KCNJ15: variants seen among roughly 807,000 people sequenced by gnomAD.
The protein encoded by KCNJ15 is ATP-sensitive inward rectifier potassium channel 15.
KCNJ15 carries 14 observed loss-of-function variants against 23.0 expected under a neutral mutation model. That is an observed-to-expected ratio of 0.61 (90% CI 0.40 to 0.95). KCNJ15 has a LOEUF of 0.95. KCNJ15 is among the 40% of genes least tolerant of loss of function. The probability of loss-of-function intolerance (pLI) is 0.00; values close to 1 mark genes in which losing one functional copy is unlikely to be tolerated. For missense variants in KCNJ15, 388 were observed against 461.8 expected (o/e 0.84, Z 1.46); for synonymous variants, 185 against 183.2 (o/e 1.01, Z -0.08).
At chr21:38,238,277 A>G (rs1978754569) in intron 1 of KCNJ15, 7 of 696,124 alleles carry the variant, frequency 1.0e-5, no homozygotes, top group African/African-American at 1.8e-5. Flanking sequence ...ATGAGCATTG[A>G]GCAGGCTTGA....
Position 38,307,074 on chromosome 21 carries a change from T to TC in KCNJ15, c.*6687dup, listed in dbSNP as rs906576765. On this transcript the variant is annotated 3_prime_UTR_variant, in exon 3 of 3. Transcript: ENST00000398938. ...AAGTGAGTCTTAAGCTTGGATTTGCTCCAGCAGAATGGTGGTTTGTGTTTC... is the reference window on the plus strand; with the variant it reads ...AAGTGAGTCTTAAGCTTGGATTTGCTCCCAGCAGAATGGTGGTTTGTGTTTC... The TC allele has an allele frequency of 6.6e-6, 1 of 152,198 alleles. No homozygotes were observed. The highest frequency in any genetic ancestry group is 2.4e-5 in the African/African-American group (1 of 41,450). 9.4% of individuals were successfully genotyped at this position (152,198 alleles called of 1,614,324 possible).
At chr21:38,294,940 G>A (rs1213256323) in intron 1 of KCNJ15, among the ~76,000 whole-genome samples, 2 of 152,120 alleles carry the variant, frequency 1.3e-5, no homozygotes, top group Non-Finnish European at 1.5e-5. Context: ...TCTAAAAATT[G>A]CAACCCCAAC....
chr21:38,245,953 T>A (rs927224179), intron 1 of KCNJ15, among the ~76,000 whole-genome samples: 1 of 152,186 alleles, frequency 6.6e-6, no homozygotes, highest in Non-Finnish European at 1.5e-5. Context: ...AGATTTGAAT[T>A]TCTGCTTCTC....
Position 38,304,474 on chromosome 21 carries a change from C to A in KCNJ15, c.*4085C>A, listed in dbSNP as rs1375811604. ...AGCGAAAGGTACTAACATTTCCAGT[C>A]TTGATTTCCAAGTTTTGTGGTGTGC... On this transcript the variant is annotated 3_prime_UTR_variant, in exon 3 of 3. Coordinates refer to ENST00000398938, the MANE Select transcript of KCNJ15 (RefSeq NM_170736.3). 6.6e-6 allele frequency: 1 copy of A among 151,630 alleles called. No homozygotes were observed. Among genetic ancestry groups the A allele is most frequent in the Non-Finnish European group, 1.5e-5 (1 of 67,944 alleles). The allele number at this position is 151,630 out of a possible 1,614,324, so 9.4% of individuals were successfully genotyped here. A position where few individuals can be genotyped will look rare whatever the true frequency, so the allele number is the denominator to read the frequency against.
chr21:38,279,959 G>T (rs1409774587), intron 1 of KCNJ15, among the ~76,000 whole-genome samples: 1 of 152,156 alleles, frequency 6.6e-6, no homozygotes, highest in Non-Finnish European at 1.5e-5. Context: ...TGAAAACAGG[G>T]CTGAAGATAG....
intron 1 of KCNJ15, among the ~76,000 whole-genome samples, chr21:38,291,211 A>G (rs1053489055): frequency 6.6e-6 from 1 of 152,124 alleles, no homozygotes; most frequent in Non-Finnish European, 1.5e-5. Context: ...TGTATGGAAC[A>G]CCTGAATCAC....
At chr21:38,241,967 TAAAAAAAAA>T (rs34321677) in intron 1 of KCNJ15, among the ~76,000 whole-genome samples, 2 of 111,986 alleles carry the variant, frequency 1.8e-5, no homozygotes, top group African/African-American at 6.8e-5. Flanking sequence ...AGACTCCATC[TAAAAAAAAA>T]AAAAAAAAAA....
At chr21:38,278,031 C>T (rs1056338251) in intron 1 of KCNJ15, among the ~76,000 whole-genome samples, 12 of 152,356 alleles carry the variant, frequency 7.9e-5, no homozygotes, top group African/African-American at 2.9e-4. Flanking sequence ...ATTCCGTCTG[C>T]ATCACGCATC....
intron 1 of KCNJ15, chr21:38,237,353 G>A (rs985639262): frequency 6.6e-6 from 1 of 152,252 alleles, no homozygotes; most frequent in Non-Finnish European, 1.5e-5. Context: ...GTAGAGGCTT[G>A]TGGGGTTTAA....
intron 1 of KCNJ15, among the ~76,000 whole-genome samples, chr21:38,248,128 C>T (rs910177821): frequency 2.0e-5 from 3 of 152,172 alleles, no homozygotes; most frequent in South Asian, 2.1e-4. Flanking sequence ...CATATCTTTG[C>T]GCCTTCACAC....
At chr21:38,255,668 G>T (rs944357781), upstream of KCNJ15, among the ~76,000 whole-genome samples, 2 of 152,164 alleles carry the variant, frequency 1.3e-5, no homozygotes, top group African/African-American at 4.8e-5. Context: ...GCAGGGAGAG[G>T]GGGGAGAAAA....
chr21:38,232,022 T>C (rs1017898328), intron 1 of KCNJ15, among the ~76,000 whole-genome samples: 2 of 151,884 alleles, frequency 1.3e-5, no homozygotes, highest in African/African-American at 2.4e-5. Context: ...TGAATAATTG[T>C]AATAATCATT....
Position 38,300,275 on chromosome 21 carries a change from T to C in KCNJ15, c.1014T>C (p.Asp338=). ...TTGAACAGATTCGGAAAAGCCCAGA[T>C]TGCACATTTTACTGTGCAGATTCTG... ...SQFEQIRKSP[D]CTFYCADSEK... The change falls in exon 3 of 3, where the codon GAT becomes GAC. Residue 338 remains aspartate (D), a synonymous_variant. Coordinates refer to ENST00000398938, the MANE Select transcript of KCNJ15 (RefSeq NM_170736.3). 6.2e-7 allele frequency: 1 copy of C among 1,614,152 alleles called. No individual in the cohort carries two copies. Among genetic ancestry groups the C allele is most frequent in the South Asian group, 1.1e-5 (1 of 91,088 alleles).
intron 1 of KCNJ15, among the ~76,000 whole-genome samples, chr21:38,295,549 T>A (rs1018260373): frequency 7.3e-5 from 11 of 150,750 alleles, no homozygotes; most frequent in Non-Finnish European, 1.5e-5. Context: ...AAGCTGCACT[T>A]TTTTTTTTAA....
intron 1 of KCNJ15, among the ~76,000 whole-genome samples, chr21:38,258,465 G>A (rs1222915104): frequency 6.6e-6 from 1 of 152,182 alleles, no homozygotes. Flanking sequence ...CTTTTTAGCA[G>A]TTTTTCTCCT....
In KCNJ15 at chr21:38,305,574, C is replaced by T. The variant is rs1393448741; in HGVS notation, c.*5185C>T. 6.6e-6 allele frequency: 1 copy of T among 152,224 alleles called. No individual in the cohort carries two copies. The highest frequency in any genetic ancestry group is 1.5e-5 in the Non-Finnish European group (1 of 68,042). 9.4% of individuals were successfully genotyped at this position (152,224 alleles called of 1,614,324 possible). A position where few individuals can be genotyped will look rare whatever the true frequency, so the allele number is the denominator to read the frequency against. ...ATGCCAGAGAGCTAGGGCTGCCAGG[C>T]ACTCTGTATGTGCAGAATATGTCCT... On this transcript the variant is annotated 3_prime_UTR_variant, in exon 3 of 3. Transcript: ENST00000398938.
intron 1 of KCNJ15, chr21:38,238,373 G>T (rs934961344): frequency 4.2e-6 from 3 of 717,874 alleles, no homozygotes; most frequent in East Asian, 5.6e-5. Flanking sequence ...AAACTCGAGG[G>T]GTCCCCATCA....
chr21:38,289,850 T>C (rs1478535440), intron 1 of KCNJ15, among the ~76,000 whole-genome samples: 2 of 152,228 alleles, frequency 1.3e-5, no homozygotes, highest in Admixed American at 6.5e-5. Flanking sequence ...GCCAGTCATC[T>C]CACAACAATG....
intron 1 of KCNJ15, among the ~76,000 whole-genome samples, chr21:38,248,216 A>AG (rs1359226531): frequency 1.3e-5 from 2 of 152,248 alleles, no homozygotes; most frequent in African/African-American, 4.8e-5. Flanking sequence ...GAAGAACAGA[A>AG]GGGGTAACTG....
Sources: gnomAD v4.1 joint callset for allele counts (sites outside exome capture counted in the v4.1 genomes callset) on GRCh38, gnomAD v4.1.1 for gene constraint, MANE v1.5 for transcripts, NCBI Gene and HGNC (gene_info 2026-07-23, HGNC 2026-07-21) for gene names.